Variants in GRIA4 observed in about 807,000 individuals in gnomAD.
The protein encoded by GRIA4 is glutamate receptor 4.
GRIA4 carries 34 observed loss-of-function variants against 104.0 expected under a neutral mutation model. That is an observed-to-expected ratio of 0.33 (90% confidence interval 0.25 to 0.44). The LOEUF (loss-of-function observed/expected upper bound fraction) is 0.44. GRIA4 is among the 20% of genes least tolerant of loss of function. The probability of loss-of-function intolerance (pLI) is 1.00; values close to 1 mark genes in which losing one functional copy is unlikely to be tolerated. For synonymous variants in GRIA4, 386 were observed against 381.9 expected (o/e 1.01, Z -0.13); for missense variants, 750 against 1,096.5 (o/e 0.68, Z 4.46).
In GRIA4 at chr11:105,677,749, T is replaced by A. The variant is rs141795556; in HGVS notation, c.247+65315T>A. Among the ~76,000 whole-genome samples, 413 of 152,004 alleles carry A rather than the reference T, an allele frequency of 2.7e-3. 4 individuals carry two copies. Among genetic ancestry groups the A allele is most frequent in the African/African-American group, 8.3e-3 (343 of 41,524 alleles). ...GATAATAGTTGAATTGGGATCTAAA[T>A]GAGGATAAGCAACTAGCCATGCCAA... On this transcript the variant is annotated intron_variant, in intron 3 of 16. Coordinates refer to ENST00000282499, the MANE Select transcript of GRIA4 (RefSeq NM_000829.4).
intron 3 of GRIA4, among the ~76,000 whole-genome samples, chr11:105,634,501 GAAAGAAAGAAAGAAGAAAGAAAGAAAGA>G (rs1565420009): frequency 8.9e-4 from 59 of 66,494 alleles, no homozygotes; most frequent in Non-Finnish European, 1.2e-3. Flanking sequence ...AAGAAAGAAA[GAAAGAAAGAAAGAAGAAAGAAAGAAAGA>G]AAAGAAAGAA....
intron 4 of GRIA4, among the ~76,000 whole-genome samples, chr11:105,766,345 A>C (rs564967815): frequency 6.6e-6 from 1 of 152,322 alleles, no homozygotes; most frequent in African/African-American, 2.4e-5. Context: ...TCAAGCATTT[A>C]GAATTTTCTA....
At chr11:105,628,593 C>G (rs917902002) in intron 3 of GRIA4, among the ~76,000 whole-genome samples, 1 of 152,110 alleles carries the variant, frequency 6.6e-6, no homozygotes, top group Admixed American at 6.6e-5. Context: ...CTTCCTCTTC[C>G]ACCATGATTG....
At chr11:105,893,045 G>C (rs976942041) in intron 6 of GRIA4, among the ~76,000 whole-genome samples, 1 of 152,094 alleles carries the variant, frequency 6.6e-6, no homozygotes, top group Admixed American at 6.6e-5. Context: ...TCCCCCAAAA[G>C]ATGTATGAAC....
chr11:105,917,145 C>A (rs746292339), intron 10 of GRIA4, among the ~76,000 whole-genome samples: 6 of 152,128 alleles, frequency 3.9e-5, no homozygotes, highest in Non-Finnish European at 7.4e-5. Flanking sequence ...TAATTTTCAT[C>A]TATCTAAAGA....
At chr11:105,777,722 C>G (rs1941512458) in intron 4 of GRIA4, among the ~76,000 whole-genome samples, 1 of 152,152 alleles carries the variant, frequency 6.6e-6, no homozygotes, top group Non-Finnish European at 1.5e-5. Context: ...CATTCCATTT[C>G]ACACACTGAA....
intron 5 of GRIA4, among the ~76,000 whole-genome samples, chr11:105,875,161 A>T (rs1945768489): frequency 6.6e-6 from 1 of 152,204 alleles, no homozygotes; most frequent in Non-Finnish European, 1.5e-5. Flanking sequence ...TTCTGCATCT[A>T]TTGAGATAAT....
chr11:105,722,561 A>G (rs1937896458), intron 3 of GRIA4, among the ~76,000 whole-genome samples: 1 of 152,094 alleles, frequency 6.6e-6, no homozygotes, highest in Non-Finnish European at 1.5e-5. Flanking sequence ...TGTTCCTTAA[A>G]GGTTGTACCA....
intron 4 of GRIA4, among the ~76,000 whole-genome samples, chr11:105,836,946 A>G (rs1944212038): frequency 6.6e-6 from 1 of 152,190 alleles, no homozygotes; most frequent in African/African-American, 2.4e-5. Flanking sequence ...ACTGCTATAA[A>G]GAAATACCCA....
intron 16 of GRIA4, among the ~76,000 whole-genome samples, chr11:105,976,361 T>C (rs1297156082): frequency 2.0e-5 from 3 of 152,068 alleles, no homozygotes; most frequent in Admixed American, 6.5e-5. Flanking sequence ...TAAAAGGAGA[T>C]GTAAATTCCC....
intron 3 of GRIA4, among the ~76,000 whole-genome samples, chr11:105,639,691 T>C (rs1391925510): frequency 6.6e-6 from 1 of 152,016 alleles, no homozygotes; most frequent in African/African-American, 2.4e-5. Context: ...AATAATGTTG[T>C]TTCTTTTACC....
chr11:105,963,383 G>C (rs1173022878), intron 14 of GRIA4, among the ~76,000 whole-genome samples: 2 of 152,084 alleles, frequency 1.3e-5, no homozygotes, highest in African/African-American at 4.8e-5. Flanking sequence ...AACTTATTAT[G>C]TGAGGGAATT....
chr11:105,678,438 C>CACTTTAATT (rs1952608626), intron 3 of GRIA4, among the ~76,000 whole-genome samples: 1 of 151,988 alleles, frequency 6.6e-6, no homozygotes, highest in Non-Finnish European at 1.5e-5. Flanking sequence ...CACTTTAATT[C>CACTTTAATT]TGTTTTTAAT....
intron 14 of GRIA4, among the ~76,000 whole-genome samples, chr11:105,951,906 T>C (rs1487722971): frequency 2.0e-5 from 3 of 152,226 alleles, no homozygotes; most frequent in East Asian, 3.9e-4. Context: ...AGGGCTGCAG[T>C]GAGCCATGAT....
At chr11:105,809,283 G>C (rs1285193372) in intron 4 of GRIA4, among the ~76,000 whole-genome samples, 1 of 152,078 alleles carries the variant, frequency 6.6e-6, no homozygotes, top group African/African-American at 2.4e-5. Flanking sequence ...TTTGATACAA[G>C]CATACAAAGT....
At chr11:105,912,686 T>A in intron 10 of GRIA4, 1 of 886,280 alleles carries the variant, frequency 1.1e-6, no homozygotes, top group Middle Eastern at 5.8e-4. Flanking sequence ...ATACCTCTGA[T>A]ATTTGCAACT....
intron 9 of GRIA4, among the ~76,000 whole-genome samples, chr11:105,907,645 G>A (rs1422931458): frequency 6.6e-6 from 1 of 152,096 alleles, no homozygotes; most frequent in East Asian, 1.9e-4. Flanking sequence ...CCCATCCAGG[G>A]CTCCAGAGGG....
At chr11:105,847,459 A>T (rs1202573488) in intron 4 of GRIA4, among the ~76,000 whole-genome samples, 1 of 152,200 alleles carries the variant, frequency 6.6e-6, no homozygotes, top group Non-Finnish European at 1.5e-5. Context: ...AAGGGGAAAC[A>T]TATTCCATAA....
intron 11 of GRIA4, among the ~76,000 whole-genome samples, chr11:105,921,306 G>T (rs113118955): frequency 3.2e-4 from 45 of 138,852 alleles, no homozygotes; most frequent in Admixed American, 2.1e-3. Flanking sequence ...ACCACACTTG[G>T]GTGTGTGTGT....
Sources: allele counts gnomAD v4.1 joint callset (sites outside exome capture counted in the v4.1 genomes callset), GRCh38; gene constraint gnomAD v4.1.1; transcripts MANE v1.5; gene names NCBI Gene and HGNC (gene_info 2026-07-23, HGNC 2026-07-21).